BMP7: variants seen among roughly 807,000 people sequenced by gnomAD.
The protein encoded by BMP7 is bone morphogenetic protein 7.
A neutral mutation model predicts 41.2 loss-of-function variants in BMP7; 12 were observed. The observed-to-expected ratio is 0.29, with a 90% CI of 0.19 to 0.47. The LOEUF (loss-of-function observed/expected upper bound fraction) is 0.47, where lower values mean the gene tolerates loss of function less well. Among genes scored for constraint, BMP7 ranks in the 20% least tolerant of loss-of-function variants. The probability of loss-of-function intolerance (pLI) is 0.99; values close to 1 mark genes in which losing one functional copy is unlikely to be tolerated. For synonymous variants in BMP7, 248 were observed against 250.0 expected, an observed-to-expected ratio of 0.99 and a Z score of 0.07; for missense variants, 467 against 606.0, an observed-to-expected ratio of 0.77 and a Z score of 2.41.
intron 4 of BMP7, among the ~76,000 whole-genome samples, chr20:57,179,511 A>T (rs1984022776): frequency 6.6e-6 from 1 of 152,234 alleles, no homozygotes; most frequent in African/African-American, 2.4e-5. Context: ...GCACCATCTG[A>T]AGAGCACGTG....
intron 1 of BMP7, among the ~76,000 whole-genome samples, chr20:57,237,026 C>T (rs983929927): frequency 2.6e-4 from 39 of 152,144 alleles, no homozygotes; most frequent in Non-Finnish European, 1.9e-4. Context: ...CCAAAGATGC[C>T]GCTAAACTAT....
chr20:57,249,744 T>C (rs2066104799), intron 1 of BMP7, among the ~76,000 whole-genome samples: 1 of 152,206 alleles, frequency 6.6e-6, no homozygotes, highest in Non-Finnish European at 1.5e-5. Context: ...ATGTTCTCCA[T>C]TGATATTGGT....
intron 2 of BMP7, chr20:57,225,914 G>C (rs1488830480): frequency 1.7e-5 from 8 of 471,154 alleles, no homozygotes; most frequent in Admixed American, 7.0e-5. Context: ...CTCGTGTCTG[G>C]TTCGTTCTGG....
In BMP7 at chr20:57,181,779, T is replaced by C. The variant is rs569123611; in HGVS notation, c.958+1943A>G. 1.1e-4 allele frequency among the ~76,000 whole-genome samples: 16 copies of C among 152,234 alleles called. No homozygotes were observed. In the South Asian group the frequency reaches 3.3e-3, roughly 32 times the overall value. On this transcript the variant is annotated intron_variant, in intron 4 of 6. Coordinates refer to ENST00000395863, the MANE Select transcript of BMP7 (RefSeq NM_001719.3). The stretch of plus-strand genomic sequence containing the variant: ...TCTCCACCCCTCTGTGCTCTGTGCT[T>C]ACATGGCTCCAACCACAGCTCAAAA...
At chr20:57,200,159 C>T (rs1874264349) in intron 3 of BMP7, among the ~76,000 whole-genome samples, 1 of 152,252 alleles carries the variant, frequency 6.6e-6, no homozygotes. Flanking sequence ...TCGTAGCAAC[C>T]ACACACTGAG....
rs1017748565 is a variant in BMP7 at position 57,184,065 on chromosome 20, G to A, written c.761-146C>T. 2.3e-5 allele frequency: 22 copies of A among 956,660 alleles called. No homozygotes were observed. The African/African-American group carries it at 3.3e-4, about 14-fold the overall frequency. The allele number at this position is 956,660 out of a possible 1,614,324, so 59.3% of individuals were successfully genotyped here. On this transcript the variant is annotated intron_variant, in intron 3 of 6. Coordinates refer to ENST00000395863, the MANE Select transcript of BMP7 (RefSeq NM_001719.3). ...AAGTATTTATTGAGTACTCACTCTAGGCCAGGTACTGTTTAAGGAACTTGG... is the reference window on the plus strand; with the variant it reads ...AAGTATTTATTGAGTACTCACTCTAAGCCAGGTACTGTTTAAGGAACTTGG...
chr20:57,199,472 G>A (rs191009758), intron 3 of BMP7, among the ~76,000 whole-genome samples: 2 of 152,250 alleles, frequency 1.3e-5, no homozygotes, highest in Admixed American at 6.5e-5. Flanking sequence ...ATTTGCCCAC[G>A]GAAACAAAAC....
At position 57,224,524 on chromosome 20, in the gene BMP7, C is replaced by G. The variant is rs1477028244; in HGVS notation, c.611+3705G>C. 6.6e-6 allele frequency: 1 copy of G among 152,536 alleles called. No individual in the cohort carries two copies. Among genetic ancestry groups the G allele is most frequent in the East Asian group, 1.9e-4 (1 of 5,172 alleles). The allele number at this position is 152,536 out of a possible 1,614,324, so 9.4% of individuals were successfully genotyped here. A position where few individuals can be genotyped will look rare whatever the true frequency, so the allele number is the denominator to read the frequency against. On this transcript the variant is annotated intron_variant, in intron 2 of 6. Coordinates refer to ENST00000395863, the MANE Select transcript of BMP7 (RefSeq NM_001719.3). The surrounding 1 kb of genome is among the most constrained non-coding windows in gnomAD (Gnocchi z 4.8). ...GGATGGAAGATGCCAGGTCCCAGCTCCACAGCAGAAACAGGGCAAACAGCA... is the reference window on the plus strand; with the variant it reads ...GGATGGAAGATGCCAGGTCCCAGCTGCACAGCAGAAACAGGGCAAACAGCA...
At chr20:57,198,973 C>T (rs1984563701) in intron 3 of BMP7, among the ~76,000 whole-genome samples, 1 of 152,216 alleles carries the variant, frequency 6.6e-6, no homozygotes, top group Admixed American at 6.5e-5. Flanking sequence ...GTGTAACTGC[C>T]TAGTGGTTGC....
intron 3 of BMP7, among the ~76,000 whole-genome samples, chr20:57,201,173 A>T (rs144729612): frequency 6.6e-6 from 1 of 152,380 alleles, no homozygotes; most frequent in Non-Finnish European, 1.5e-5. Flanking sequence ...TCCTACGTAC[A>T]TTAAGGCACT....
At chr20:57,254,339 T>C (rs1255300671) in intron 1 of BMP7, among the ~76,000 whole-genome samples, 1 of 152,114 alleles carries the variant, frequency 6.6e-6, no homozygotes, top group African/African-American at 2.4e-5. Context: ...GGTTTCTTCT[T>C]ATTAAAAGAC....
chr20:57,172,881 G>A, intron 6 of BMP7: 1 of 585,052 alleles, frequency 1.7e-6, no homozygotes, highest in Non-Finnish European at 3.0e-6. Context: ...AATGAAGCAG[G>A]GCCCAGTGCT....
In BMP7 at chr20:57,261,694, G is replaced by A. The variant is rs918304370; in HGVS notation, c.418+4011C>T. Among the ~76,000 whole-genome samples, 5 of 152,188 alleles carry A rather than the reference G, an allele frequency of 3.3e-5. No homozygotes were observed. The highest frequency in any genetic ancestry group is 2.1e-4 in the South Asian group (1 of 4,836). ...CTTTGGCTGCTCACCAGTGAGGGCC[G>A]GCGCTCCGAGTGCTGGAATGTGGAG... On this transcript the variant is annotated intron_variant, in intron 1 of 6. Coordinates refer to ENST00000395863, the MANE Select transcript of BMP7 (RefSeq NM_001719.3). This position sits in a 1 kb window ranked among gnomAD's most constrained non-coding sequence, Gnocchi z 4.1.
chr20:57,186,605 G>A (rs1399068981), intron 3 of BMP7, among the ~76,000 whole-genome samples: 1 of 152,186 alleles, frequency 6.6e-6, no homozygotes, highest in Non-Finnish European at 1.5e-5. Context: ...ACCCAGGTGA[G>A]GATGACGGGG....
At position 57,228,493 on chromosome 20, in the gene BMP7, G is replaced by T; in HGVS notation, c.419-72C>A. On this transcript the variant is annotated intron_variant, in intron 1 of 6. Coordinates refer to ENST00000395863, the MANE Select transcript of BMP7 (RefSeq NM_001719.3). This position sits in a 1 kb window ranked among gnomAD's most constrained non-coding sequence, Gnocchi z 4.5. ...TCTGGGTTTCACTCTCTGGCTCTGA[G>T]TCCAAGCATCTTGCCTAAGCTAGAT... 6.4e-7 allele frequency: 1 copy of T among 1,561,694 alleles called. No individual in the cohort carries two copies.
chr20:57,243,539 ACTC>A (rs1307747099), intron 1 of BMP7, among the ~76,000 whole-genome samples: 1 of 152,098 alleles, frequency 6.6e-6, no homozygotes, highest in Non-Finnish European at 1.5e-5. Context: ...CAGGAATTTA[ACTC>A]CTGACTTACG....
At chr20:57,195,118 T>C (rs1451311250) in intron 3 of BMP7, among the ~76,000 whole-genome samples, 1 of 151,986 alleles carries the variant, frequency 6.6e-6, no homozygotes, top group East Asian at 1.9e-4. Flanking sequence ...TTGAGCAAAA[T>C]CGGCATGGCC....
chr20:57,251,331 C>T (rs1258349794), intron 1 of BMP7, among the ~76,000 whole-genome samples: 1 of 152,198 alleles, frequency 6.6e-6, no homozygotes, highest in Non-Finnish European at 1.5e-5. Flanking sequence ...GGGGGCTCTG[C>T]AGTCTGACGG....
At chr20:57,197,877 G>A (rs899554607) in intron 3 of BMP7, among the ~76,000 whole-genome samples, 2 of 152,190 alleles carry the variant, frequency 1.3e-5, no homozygotes, top group African/African-American at 4.8e-5. Flanking sequence ...GCTATGACAG[G>A]GGCAGGGGTG....
Sources: allele counts gnomAD v4.1 joint callset (sites outside exome capture counted in the v4.1 genomes callset), GRCh38; gene constraint gnomAD v4.1.1; non-coding constraint Gnocchi (gnomAD v3.1); transcripts MANE v1.5; gene names NCBI Gene and HGNC (gene_info 2026-07-23, HGNC 2026-07-21).